The following CCDC149 variants were observed in gnomAD, a reference collection of about 807,000 sequenced individuals.
CCDC149 encodes coiled-coil domain containing 149.
Under a neutral mutation model 59.9 loss-of-function variants are expected in CCDC149, and 45 were observed. That is an observed-to-expected ratio of 0.75 (90% CI 0.59 to 0.96). The LOEUF is 0.96. Ranked by LOEUF, CCDC149 falls within the 40% of genes least tolerant of loss-of-function variation. CCDC149 has a pLI of 0.00. For missense variants in CCDC149, 584 were observed against 664.7 expected, an observed-to-expected ratio of 0.88 and a Z score of 1.33; for synonymous variants, 245 against 260.6, an observed-to-expected ratio of 0.94 and a Z score of 0.58.
intron 1 of CCDC149, among the ~76,000 whole-genome samples, chr4:24,964,925 G>A (rs1477600402): frequency 2.1e-5 from 3 of 144,734 alleles, no homozygotes; most frequent in Non-Finnish European, 2.9e-5. Context: ...AACTGTACTT[G>A]CTTCAAGTCT....
At chr4:24,822,804 G>A (rs1715496460) in intron 9 of CCDC149, 2 of 347,922 alleles carry the variant, frequency 5.7e-6, no homozygotes, top group Non-Finnish European at 1.1e-5. Flanking sequence ...ATGAAAGTGA[G>A]TCCTCTCCCA....
At chr4:24,849,127 G>A (rs567478469) in intron 4 of CCDC149, among the ~76,000 whole-genome samples, 23 of 151,508 alleles carry the variant, frequency 1.5e-4, no homozygotes, top group Non-Finnish European at 3.1e-4. Flanking sequence ...TTTTCTTAAC[G>A]CCCAGAAGAG....
intron 1 of CCDC149, among the ~76,000 whole-genome samples, chr4:24,943,962 C>T (rs1254663206): frequency 2.6e-5 from 4 of 152,172 alleles, no homozygotes; most frequent in Non-Finnish European, 4.4e-5. Flanking sequence ...GGACTGTAAA[C>T]TAGTTCAACC....
chr4:24,971,477 A>T (rs1379677186), intron 1 of CCDC149, among the ~76,000 whole-genome samples: 1 of 152,242 alleles, frequency 6.6e-6, no homozygotes, highest in East Asian at 1.9e-4. Context: ...ACCTTGCCAC[A>T]TGAGGCACGT....
chr4:24,852,877 A>G (rs1717751481), intron 4 of CCDC149, among the ~76,000 whole-genome samples, 195 bp downstream of exon 4: 1 of 152,202 alleles, frequency 6.6e-6, no homozygotes. Context: ...AGAAACACAC[A>G]TATACATGCA....
At chr4:24,854,368 G>A (rs141372583) in intron 3 of CCDC149, among the ~76,000 whole-genome samples, 136 of 152,284 alleles carry the variant, frequency 8.9e-4, no homozygotes, top group African/African-American at 3.2e-3. Context: ...CATGTGCGTT[G>A]TTCCAGACAG....
At chr4:24,863,158 C>T (rs550254531) in intron 3 of CCDC149, among the ~76,000 whole-genome samples, 31 of 152,006 alleles carry the variant, frequency 2.0e-4, no homozygotes, top group African/African-American at 5.8e-4. Context: ...CCGGGCGTGG[C>T]GGTATGCACC....
Position 24,952,389 on chromosome 4 carries a change from C to T in CCDC149, c.-65+27680G>A, listed in dbSNP as rs192275550. On this transcript the variant is annotated intron_variant, in intron 1 of 12. Transcript: ENST00000389609. ...GGAGGATCACTTGAGGTCGGGAGTT[C>T]AAGACCAGTCTGGCCAACATGGTGA... Among the ~76,000 whole-genome samples, 150 of 151,528 alleles carry T rather than the reference C, an allele frequency of 9.9e-4. 1 individual carries two copies. In the East Asian group the frequency reaches 0.012, roughly 12 times the overall value.
At chr4:24,848,096 T>C (rs1320914427) in intron 4 of CCDC149, among the ~76,000 whole-genome samples, 1 of 151,968 alleles carries the variant, frequency 6.6e-6, no homozygotes, top group South Asian at 2.1e-4. Context: ...CTGAGTAGCA[T>C]GATGAAATCT....
chr4:24,819,912 G>C lies in CCDC149; in HGVS notation c.1139C>G (p.Pro380Arg). 6.4e-7 allele frequency: 1 copy of C among 1,551,688 alleles called. No homozygotes were observed. Among genetic ancestry groups the C allele is most frequent in the Non-Finnish European group, 8.7e-7 (1 of 1,146,990 alleles). The change falls in exon 12 of 13, where the codon CCA (proline) becomes CGA (arginine). Residue 380 changes from proline to arginine, a missense_variant. By Grantham distance (103) the Pro-to-Arg change is moderately radical (BLOSUM62 -2). Coordinates refer to ENST00000635206, the MANE Select transcript of CCDC149 (RefSeq NM_001330643.2). ...GGGCTGCTCGACAAACTTCAGCAGTGGGGATCTCGACCTCTGTCCACTAGG... is the reference window on the plus strand; with the variant it reads ...GGGCTGCTCGACAAACTTCAGCAGTCGGGATCTCGACCTCTGTCCACTAGG...
At chr4:24,916,965 G>A (rs564545136), upstream of CCDC149, among the ~76,000 whole-genome samples, 1 of 152,296 alleles carries the variant, frequency 6.6e-6, no homozygotes, top group South Asian at 2.1e-4. Context: ...AGGTCCTGGT[G>A]AGTGCCACAG....
intron 1 of CCDC149, among the ~76,000 whole-genome samples, chr4:24,880,284 C>T (rs1215704543): frequency 6.6e-6 from 1 of 152,226 alleles, no homozygotes; most frequent in African/African-American, 2.4e-5. Flanking sequence ...CTAGGAGCAA[C>T]AGGCTGTACC....
Position 24,969,337 on chromosome 4 carries a change from C to A in CCDC149, c.-65+10732G>T, listed in dbSNP as rs189981026. Among the ~76,000 whole-genome samples the A allele has an allele frequency of 2.4e-3, 365 of 152,296 alleles. 1 individual carries two copies. The highest frequency in any genetic ancestry group is 3.8e-3 in the Non-Finnish European group (257 of 68,022). ...CATCTACCCTTGCAGGGTGGCCAAC[C>A]AACAGAACACCATCTGGGCCCTGCA... is the stretch of plus-strand genomic sequence containing the variant. On this transcript the variant is annotated intron_variant, in intron 1 of 12. Transcript: ENST00000389609.
chr4:24,817,772 T>A (rs968611910), intron 12 of CCDC149, among the ~76,000 whole-genome samples: 2 of 151,942 alleles, frequency 1.3e-5, no homozygotes, highest in Non-Finnish European at 2.9e-5. Context: ...TGAAAAACAA[T>A]ACATAGTTGT....
intron 1 of CCDC149, among the ~76,000 whole-genome samples, chr4:24,893,264 C>G (rs538476207): frequency 1.3e-5 from 2 of 152,268 alleles, no homozygotes; most frequent in Admixed American, 1.3e-4. Context: ...GGCTAGGTCT[C>G]TAACAGATTG....
In CCDC149 at chr4:24,895,119, C is replaced by T. The variant is rs1720767728; in HGVS notation, c.63+17698G>A. ...ACTACTTATGAATAAGTAGTGCTGA[C>T]TAGGAATAAGAACACGTTATAAAAA... is the stretch of plus-strand genomic sequence containing the variant. On this transcript the variant is annotated intron_variant, in intron 1 of 12. Coordinates refer to ENST00000635206, the MANE Select transcript of CCDC149 (RefSeq NM_001330643.2). 4.1e-6 allele frequency: 4 copies of T among 972,332 alleles called. No individual in the cohort carries two copies. In the South Asian group the frequency reaches 4.1e-5, roughly 10 times the overall value. The allele number at this position is 972,332 out of a possible 1,614,324, so 60.2% of individuals were successfully genotyped here.
rs542324648 is a variant in CCDC149, at chr4:24,961,938, A to G, written c.-65+18131T>C. ...GTCTAAAACACCAAAAGCAATGGCA[A>G]CAAAAGCCAAAATTGACAAATGGGA... On this transcript the variant is annotated intron_variant, in intron 1 of 12. Transcript: ENST00000389609. Among the ~76,000 whole-genome samples, 165 of 152,026 alleles carry G rather than the reference A, an allele frequency of 1.1e-3. 3 individuals carry two copies. In the East Asian group the frequency reaches 0.026, roughly 24 times the overall value.
chr4:24,823,297 C>T (rs1357701576), intron 9 of CCDC149, among the ~76,000 whole-genome samples: 2 of 152,138 alleles, frequency 1.3e-5, no homozygotes, highest in Non-Finnish European at 2.9e-5. Flanking sequence ...TATACAAGTT[C>T]TAGAAAGTGT....
intron 12 of CCDC149, among the ~76,000 whole-genome samples, chr4:24,809,687 A>G (rs1714471454): frequency 6.6e-6 from 1 of 152,246 alleles, no homozygotes; most frequent in South Asian, 2.1e-4. Context: ...ACAGTGAAGA[A>G]AGGTATGACA....
Sources: gnomAD v4.1 joint callset for allele counts (sites outside exome capture counted in the v4.1 genomes callset) on GRCh38, gnomAD v4.1.1 for gene constraint, MANE v1.5 for transcripts, NCBI Gene and HGNC (gene_info 2026-07-23, HGNC 2026-07-21) for gene names.